Variants in B3GALT5 observed in about 807,000 individuals in gnomAD.
B3GALT5 encodes beta-1,3-galactosyltransferase 5.
For missense variants in B3GALT5, 328 were observed against 396.6 expected (o/e 0.83, Z 1.47); for synonymous variants, 156 against 158.6 (o/e 0.98, Z 0.12).
At chr21:39,621,416 A>G (rs1286354046) in intron 1 of B3GALT5, among the ~76,000 whole-genome samples, 1 of 150,608 alleles carries the variant, frequency 6.6e-6, no homozygotes, top group African/African-American at 2.4e-5. Context: ...TTCTTTTACT[A>G]TCCTTGTCTG....
Position 39,665,608 on chromosome 21 carries a change from G to C in B3GALT5, c.*4116G>C, listed in dbSNP as rs756686663. On this transcript the variant is annotated 3_prime_UTR_variant, in exon 4 of 4. Coordinates refer to ENST00000684187, the MANE Select transcript of B3GALT5 (RefSeq NM_001356336.2). Reference sequence around the variant, plus strand: ...CCCTTTGCCCTATGTGCCCATCCCCGTCAGCCTTGGCACTGGCTGTCCTCT... The same window carrying C: ...CCCTTTGCCCTATGTGCCCATCCCCCTCAGCCTTGGCACTGGCTGTCCTCT... The C allele has an allele frequency of 6.6e-6, 1 of 152,190 alleles. No individual in the cohort carries two copies. The highest frequency in any genetic ancestry group is 2.4e-5 in the African/African-American group (1 of 41,382). 9.4% of individuals were successfully genotyped at this position (152,190 alleles called of 1,614,324 possible). A position where few individuals can be genotyped will look rare whatever the true frequency, so the allele number is the denominator to read the frequency against.
intron 1 of B3GALT5, among the ~76,000 whole-genome samples, chr21:39,641,901 C>A (rs532251827): frequency 6.6e-6 from 1 of 152,152 alleles, no homozygotes; most frequent in Admixed American, 6.5e-5. Context: ...ATGTTCTAAA[C>A]GCTATGCTTT....
intron 1 of B3GALT5, among the ~76,000 whole-genome samples, chr21:39,627,516 C>G (rs2079170410): frequency 6.6e-6 from 1 of 152,138 alleles, no homozygotes; most frequent in Admixed American, 6.5e-5. Context: ...GGGCATTAAG[C>G]TGGTTTTGCT....
At chr21:39,650,316 T>A (rs1443402231) in intron 2 of B3GALT5, among the ~76,000 whole-genome samples, 1 of 152,160 alleles carries the variant, frequency 6.6e-6, no homozygotes, top group Non-Finnish European at 1.5e-5. Flanking sequence ...CAGCTGCAGG[T>A]GACACGAGAG....
intron 1 of B3GALT5, among the ~76,000 whole-genome samples, chr21:39,631,584 C>A (rs1056853085): frequency 4.6e-5 from 7 of 152,052 alleles, no homozygotes; most frequent in African/African-American, 1.7e-4. Flanking sequence ...ATAAATCAAC[C>A]CATAACAGTA....
intron 2 of B3GALT5, among the ~76,000 whole-genome samples, chr21:39,653,177 G>C (rs1285154933): frequency 6.6e-6 from 1 of 152,138 alleles, no homozygotes; most frequent in African/African-American, 2.4e-5. Context: ...TCCTGGTTTT[G>C]AACTTCATAT....
Position 39,630,886 on chromosome 21 carries a change from A to G in B3GALT5, c.-391-15506A>G, listed in dbSNP as rs565863571. 2.0e-5 allele frequency among the ~76,000 whole-genome samples: 3 copies of G among 152,264 alleles called. No homozygotes were observed. The East Asian group carries it at 5.8e-4, about 29-fold the overall frequency. Reference sequence around the variant, plus strand: ...CTCTGATAAGTGTCTCTGCTTTAAGAGTGTTTGCCAGACAGAAATAAAAAT... The same window carrying G: ...CTCTGATAAGTGTCTCTGCTTTAAGGGTGTTTGCCAGACAGAAATAAAAAT... On this transcript the variant is annotated intron_variant, in intron 1 of 3. Transcript: ENST00000684187.
At chr21:39,635,534 A>G (rs2146194451) in intron 1 of B3GALT5, among the ~76,000 whole-genome samples, 1 of 152,126 alleles carries the variant, frequency 6.6e-6, no homozygotes, top group South Asian at 2.1e-4. Flanking sequence ...GCTGGAGTGC[A>G]ATGGTGCGAT....
At chr21:39,619,953 G>A (rs988314890) in intron 1 of B3GALT5, among the ~76,000 whole-genome samples, 9 of 152,108 alleles carry the variant, frequency 5.9e-5, no homozygotes, top group African/African-American at 1.9e-4. Flanking sequence ...GATTACAGGC[G>A]TGTGCCACCA....
chr21:39,619,187 C>T (rs969379779), intron 1 of B3GALT5, among the ~76,000 whole-genome samples: 11 of 152,072 alleles, frequency 7.2e-5, no homozygotes, highest in South Asian at 2.1e-4. Flanking sequence ...TATTTTCTCA[C>T]GGTTCTGGAG....
chr21:39,630,760 G>A (rs1569209025), intron 1 of B3GALT5, among the ~76,000 whole-genome samples: 1 of 152,174 alleles, frequency 6.6e-6, no homozygotes, highest in Admixed American at 6.5e-5. Flanking sequence ...AGGCCATGGG[G>A]AGGTAAGGTG....
At chr21:39,649,779 A>G (rs1372231742) in intron 2 of B3GALT5, among the ~76,000 whole-genome samples, 1 of 152,178 alleles carries the variant, frequency 6.6e-6, no homozygotes, top group East Asian at 1.9e-4. Flanking sequence ...GCAGAGTCCA[A>G]GGTGGCCAGA....
intron 2 of B3GALT5, among the ~76,000 whole-genome samples, chr21:39,656,714 G>A (rs989955908): frequency 2.0e-5 from 3 of 152,184 alleles, no homozygotes; most frequent in African/African-American, 7.2e-5. Flanking sequence ...GTAGCCTCAG[G>A]TCAGGCTTAA....
intron 1 of B3GALT5, among the ~76,000 whole-genome samples, chr21:39,620,026 A>G (rs931222500): frequency 2.6e-5 from 4 of 151,992 alleles, no homozygotes; most frequent in African/African-American, 7.3e-5. Context: ...AGTATTCACT[A>G]TGTTGGCCAG....
Position 39,672,566 on chromosome 21 carries a change from T to A in B3GALT5, c.*11074T>A, listed in dbSNP as rs944607294. 6.6e-6 allele frequency: 1 copy of A among 152,244 alleles called. No individual in the cohort carries two copies. Among genetic ancestry groups the A allele is most frequent in the African/African-American group, 2.4e-5 (1 of 41,462 alleles). 9.4% of individuals were successfully genotyped at this position (152,244 alleles called of 1,614,324 possible). On this transcript the variant is annotated 3_prime_UTR_variant, in exon 4 of 4. Transcript: ENST00000684187. The stretch of plus-strand genomic sequence containing the variant: ...ATTGGTTAATAATCATATTTATTTT[T>A]AATGAAAATTAAATTATGAAAATAA...
chr21:39,635,399 C>T (rs2079220042), intron 1 of B3GALT5, among the ~76,000 whole-genome samples: 2 of 152,118 alleles, frequency 1.3e-5, no homozygotes, highest in Admixed American at 6.5e-5. Flanking sequence ...ATCACGGATG[C>T]GTTTGAGTTT....
intron 1 of B3GALT5, among the ~76,000 whole-genome samples, chr21:39,629,176 G>A (rs1273388841): frequency 6.6e-6 from 1 of 152,016 alleles, no homozygotes; most frequent in South Asian, 2.1e-4. Context: ...CACTGCACCC[G>A]GCTAATTTCC....
rs905307888 is a variant in B3GALT5, at chr21:39,663,864, C to T, written c.*2372C>T. 3 of 152,212 alleles carry T rather than the reference C, an allele frequency of 2.0e-5. No homozygotes were observed. Among genetic ancestry groups the T allele is most frequent in the Non-Finnish European group, 4.4e-5 (3 of 68,084 alleles). The allele number at this position is 152,212 out of a possible 1,614,324, so 9.4% of individuals were successfully genotyped here. A position where few individuals can be genotyped will look rare whatever the true frequency, so the allele number is the denominator to read the frequency against. ...CTTGTCTGGATGTGAGAGTGAGAAA[C>T]AATGTGAAAGCATGAGTGAGGAGGC... On this transcript the variant is annotated 3_prime_UTR_variant, in exon 4 of 4. Transcript: ENST00000684187.
chr21:39,651,928 T>G (rs562350105), intron 2 of B3GALT5, among the ~76,000 whole-genome samples: 1 of 152,236 alleles, frequency 6.6e-6, no homozygotes, highest in Non-Finnish European at 1.5e-5. Context: ...GTATTATACA[T>G]GTAAAAACGT....
Sources: gnomAD v4.1 joint callset for allele counts (sites outside exome capture counted in the v4.1 genomes callset) on GRCh38, gnomAD v4.1.1 for gene constraint, MANE v1.5 for transcripts, NCBI Gene and HGNC (gene_info 2026-07-23, HGNC 2026-07-21) for gene names.